Variants in AAMDC observed in about 807,000 individuals in gnomAD.
AAMDC encodes adipogenesis associated Mth938 domain containing, also known as mth938 domain-containing protein.
AAMDC carries 16 observed loss-of-function variants against 15.5 expected under a neutral mutation model. That is an observed-to-expected ratio of 1.03 (90% CI 0.70 to 1.57). AAMDC has a LOEUF of 1.57. Among genes scored for constraint, AAMDC ranks in the 40% most tolerant of loss-of-function variants. The probability of loss-of-function intolerance (pLI) is 0.00; values close to 1 mark genes in which losing one functional copy is unlikely to be tolerated. For synonymous variants in AAMDC, 51 were observed against 51.6 expected, an observed-to-expected ratio of 0.99 and a Z score of 0.05; for missense variants, 141 against 144.9, an observed-to-expected ratio of 0.97 and a Z score of 0.14.
rs545742213 is a variant in AAMDC at position 77,852,224 on chromosome 11, C to CAAAAAAAAAA, written c.132+9604_132+9613dup. Among the ~76,000 whole-genome samples, 2 of 33,500 alleles carry CAAAAAAAAAA rather than the reference C, an allele frequency of 6.0e-5. 1 individual carries two copies. The highest frequency in any genetic ancestry group is 7.9e-4 in the Admixed American group (2 of 2,542). The allele number at this position is 33,500 out of a possible 152,430, so 22.0% of individuals were successfully genotyped here. ...TGGCCAACAGAATGAGACACTGTCT[C>CAAAAAAAAAA]AAAAAAAAAAAAAAAAAGAAGAAGA... is the stretch of plus-strand genomic sequence containing the variant. On this transcript the variant is annotated intron_variant, in intron 2 of 3. Coordinates refer to ENST00000393427, the MANE Select transcript of AAMDC (RefSeq NM_024684.4).
chr11:77,821,402 G>A (rs546301848), intron 1 of AAMDC, among the ~76,000 whole-genome samples, 161 bp downstream of exon 1: 1 of 152,286 alleles, frequency 6.6e-6, no homozygotes, highest in African/African-American at 2.4e-5. Context: ...GGGCTGGGCT[G>A]GGACCTCGGT....
intron 2 of AAMDC, among the ~76,000 whole-genome samples, chr11:77,847,491 T>C (rs1032987392): frequency 6.6e-6 from 1 of 152,142 alleles, no homozygotes; most frequent in African/African-American, 2.4e-5. Context: ...TGACACCCAG[T>C]TACCAACCTA....
At chr11:77,823,619 CTCAAAA>C (rs1565193512) in intron 1 of AAMDC, among the ~76,000 whole-genome samples, 7 of 56,660 alleles carry the variant, frequency 1.2e-4, no homozygotes, top group African/African-American at 4.7e-4. Context: ...TACACCCTGT[CTCAAAA>C]AAAAAAAAAA....
intron 1 of AAMDC, among the ~76,000 whole-genome samples, chr11:77,827,044 G>A (rs983050943): frequency 6.6e-6 from 1 of 152,126 alleles, no homozygotes; most frequent in African/African-American, 2.4e-5. Flanking sequence ...GGCAGAGGTT[G>A]CAGTGAGCTG....
chr11:77,840,267 G>T (rs565066271), intron 1 of AAMDC, among the ~76,000 whole-genome samples: 1 of 152,140 alleles, frequency 6.6e-6, no homozygotes, highest in South Asian at 2.1e-4. Flanking sequence ...AGTGGCTCAC[G>T]CCTGTAATCC....
intron 1 of AAMDC, among the ~76,000 whole-genome samples, chr11:77,834,031 T>C (rs753106260): frequency 4.6e-5 from 7 of 152,240 alleles, no homozygotes; most frequent in Non-Finnish European, 1.0e-4. Context: ...GTTACCACCA[T>C]ATATTAAGTA....
intron 2 of AAMDC, among the ~76,000 whole-genome samples, chr11:77,863,637 C>T (rs1046115740): frequency 6.6e-6 from 1 of 152,190 alleles, no homozygotes; most frequent in Non-Finnish European, 1.5e-5. Flanking sequence ...GATCCACCCA[C>T]CTTGGCCTCC....
At chr11:77,897,345 A>G (rs1952568272) in intron 5 of AAMDC, among the ~76,000 whole-genome samples, 1 of 151,444 alleles carries the variant, frequency 6.6e-6, no homozygotes, top group East Asian at 1.9e-4. Flanking sequence ...TTTAAAAATA[A>G]AAAATATTTT....
intron 5 of AAMDC, among the ~76,000 whole-genome samples, chr11:77,882,743 C>T (rs777337360): frequency 6.6e-6 from 1 of 152,134 alleles, no homozygotes; most frequent in African/African-American, 2.4e-5. Flanking sequence ...TTCATAAAGT[C>T]ATCATTACCC....
chr11:77,838,775 C>T (rs982457043), intron 1 of AAMDC, among the ~76,000 whole-genome samples: 15 of 151,990 alleles, frequency 9.9e-5, no homozygotes, highest in African/African-American at 3.6e-4. Context: ...CACCACTGCG[C>T]CCAGCTATTT....
At chr11:77,891,788 G>A in intron 5 of AAMDC, 1 of 1,612,008 alleles carries the variant, frequency 6.2e-7, no homozygotes, top group Non-Finnish European at 8.5e-7. Context: ...ATAAGGTCAA[G>A]GAGTTTGTCC....
In AAMDC at chr11:77,869,832, G is replaced by A. The variant is rs751991125; in HGVS notation, c.228+15G>A. ...AGGCCTTGAAGGTAGGTGTTGGTAT[G>A]CACAGCATTCCTGAGGACAGGTGGG... On this transcript the variant is annotated intron_variant, in intron 3 of 3. Transcript: ENST00000393427. 20 of 1,610,610 alleles carry A rather than the reference G, an allele frequency of 1.2e-5. No individual in the cohort carries two copies. The highest frequency in any genetic ancestry group is 1.7e-5 in the Non-Finnish European group (20 of 1,177,140).
chr11:77,827,447 G>C (rs1236854346), intron 1 of AAMDC, among the ~76,000 whole-genome samples: 1 of 152,094 alleles, frequency 6.6e-6, no homozygotes, highest in Non-Finnish European at 1.5e-5. Flanking sequence ...CCATAAACAA[G>C]TGGGATTCAT....
intron 2 of AAMDC, among the ~76,000 whole-genome samples, chr11:77,851,722 C>T (rs1260847624): frequency 5.3e-5 from 8 of 152,082 alleles, no homozygotes; most frequent in African/African-American, 1.9e-4. Flanking sequence ...ATGCCTACTC[C>T]CACTTCACGT....
rs536388799 is a variant in AAMDC, at chr11:77,886,586, T to C, written c.328+9537T>C. Among the ~76,000 whole-genome samples, 44 of 152,246 alleles carry C rather than the reference T, an allele frequency of 2.9e-4. 2 individuals carry two copies. In the South Asian group the frequency reaches 9.1e-3, roughly 32 times the overall value. ...CTTGTCATCTAATTAGTGACGCACATGAATGGATGAACGAGATTCCCACTG... is the reference window on the plus strand; with the variant it reads ...CTTGTCATCTAATTAGTGACGCACACGAATGGATGAACGAGATTCCCACTG... On this transcript the variant is annotated intron_variant, in intron 5 of 5. Coordinates refer to the AAMDC transcript ENST00000304716.
chr11:77,901,025 A>G (rs1952761811), downstream of AAMDC, among the ~76,000 whole-genome samples: 1 of 152,236 alleles, frequency 6.6e-6, no homozygotes. Flanking sequence ...TTCCCAGTAC[A>G]TCCTCTTAAT....
At chr11:77,890,647 G>A (rs1186842912) in intron 5 of AAMDC, among the ~76,000 whole-genome samples, 1 of 152,140 alleles carries the variant, frequency 6.6e-6, no homozygotes, top group Non-Finnish European at 1.5e-5. Context: ...CAATGAAACT[G>A]TGCACACCCC....
chr11:77,901,104 A>C (rs1327908927), downstream of AAMDC, among the ~76,000 whole-genome samples: 1 of 152,228 alleles, frequency 6.6e-6, no homozygotes, highest in Non-Finnish European at 1.5e-5. Context: ...CTGGCACTAA[A>C]TTCTTAAGGA....
At chr11:77,889,133 T>A (rs539586103) in intron 5 of AAMDC, among the ~76,000 whole-genome samples, 82 of 152,306 alleles carry the variant, frequency 5.4e-4, no homozygotes, top group African/African-American at 1.9e-3. Context: ...CACATATGTT[T>A]ATTGCGGCAC....
Sources: allele counts gnomAD v4.1 joint callset (sites outside exome capture counted in the v4.1 genomes callset), GRCh38; gene constraint gnomAD v4.1.1; transcripts MANE v1.5; gene names NCBI Gene and HGNC (gene_info 2026-07-23, HGNC 2026-07-21).